Variants in ANKRD33B observed in about 807,000 individuals in gnomAD.
The protein encoded by ANKRD33B is ankyrin repeat domain 33B, also known as ankyrin repeat domain-containing protein 33B.
In ANKRD33B, 6 loss-of-function variants were observed where a neutral mutation model predicts 21.5. That is an observed-to-expected ratio of 0.28 (90% CI 0.15 to 0.55). The LOEUF (loss-of-function observed/expected upper bound fraction) is 0.55. ANKRD33B is among the 20% of genes least tolerant of loss of function. ANKRD33B has a pLI of 0.94. For missense variants in ANKRD33B, 698 were observed against 747.2 expected, an observed-to-expected ratio of 0.93 and a Z score of 0.77; for synonymous variants, 347 against 342.4, an observed-to-expected ratio of 1.01 and a Z score of -0.15.
intron 1 of ANKRD33B, among the ~76,000 whole-genome samples, chr5:10,598,962 C>T (rs530120867): frequency 6.6e-5 from 10 of 152,288 alleles, no homozygotes; most frequent in South Asian, 4.2e-4. Flanking sequence ...AGTGAACAGC[C>T]GTATGATTTT....
At chr5:10,609,384 C>T (rs974809471) in intron 1 of ANKRD33B, among the ~76,000 whole-genome samples, 6 of 151,970 alleles carry the variant, frequency 3.9e-5, no homozygotes, top group African/African-American at 7.2e-5. Context: ...AAAACACCAT[C>T]TCTACAAAAA....
In ANKRD33B at chr5:10,597,356, G is replaced by C. The variant is rs533910884; in HGVS notation, c.367-20977G>C. On this transcript the variant is annotated intron_variant, in intron 1 of 3. Transcript: ENST00000296657. The stretch of plus-strand genomic sequence containing the variant: ...GAAGGGATGGAGGAAAATTTACCAA[G>C]CAAGGGGAAAACAGGAAAAAGCAGG... 4.6e-5 allele frequency among the ~76,000 whole-genome samples: 7 copies of C among 152,254 alleles called. No homozygotes were observed. In the South Asian group the frequency reaches 1.2e-3, roughly 27 times the overall value.
At chr5:10,581,210 A>C (rs1579714594) in intron 1 of ANKRD33B, among the ~76,000 whole-genome samples, 1 of 152,318 alleles carries the variant, frequency 6.6e-6, no homozygotes, top group East Asian at 1.9e-4. Context: ...TGACCTTGGC[A>C]GGGCTGCCTC....
intron 1 of ANKRD33B, among the ~76,000 whole-genome samples, chr5:10,604,190 CT>C (rs374461177): frequency 5.1e-4 from 51 of 99,372 alleles, no homozygotes; most frequent in African/African-American, 1.2e-3. Flanking sequence ...CCGCGCCTGG[CT>C]TTTTTTTTTT....
In ANKRD33B at chr5:10,639,020, AGTTGCGCGGCGATGTTAGCGGGTGACG is replaced by A. The variant is rs771182042; in HGVS notation, c.637+853_637+879del. Among the ~76,000 whole-genome samples the A allele has an allele frequency of 9.4e-3, 725 of 76,892 alleles. 3 individuals carry two copies. The highest frequency in any genetic ancestry group is 0.021 in the African/African-American group (431 of 20,076). 50.4% of individuals were successfully genotyped at this position (76,892 alleles called of 152,430 possible). A position where few individuals can be genotyped will look rare whatever the true frequency, so the allele number is the denominator to read the frequency against. On this transcript the variant is annotated intron_variant, in intron 3 of 3. Transcript: ENST00000296657. ...GCGGCGATGTTAGGCGGTGACGCGG[AGTTGCGCGGCGATGTTAGCGGGTGACG>A]CGGAGTTGCGCGGCGATGTTAGCGG... is the stretch of plus-strand genomic sequence containing the variant.
rs1453577203 is a variant in ANKRD33B, at chr5:10,596,104, G to A, written c.367-22229G>A. Among the ~76,000 whole-genome samples, 4 of 152,214 alleles carry A rather than the reference G, an allele frequency of 2.6e-5. No individual in the cohort carries two copies. In the South Asian group the frequency reaches 8.3e-4, roughly 32 times the overall value. On this transcript the variant is annotated intron_variant, in intron 1 of 3. Coordinates refer to ENST00000296657, the MANE Select transcript of ANKRD33B (RefSeq NM_001164440.2). ...CTAAGCCAAACCAAAACAACAGAAT[G>A]ACTTAATTATGTACCAGCACCCTTT...
In ANKRD33B at chr5:10,619,498, G is replaced by A. The variant is rs1030487143; in HGVS notation, c.496+1036G>A. 3 of 504,138 alleles carry A rather than the reference G, an allele frequency of 6.0e-6. No individual in the cohort carries two copies. Among genetic ancestry groups the A allele is most frequent in the Admixed American group, 6.4e-5 (1 of 15,700 alleles). 31.2% of individuals were successfully genotyped at this position (504,138 alleles called of 1,614,324 possible). ...CCTGGGTGGATCTGATGGGTGGGGG[G>A]CCAGGGAGGCTGGAAAACCAGTGTT... On this transcript the variant is annotated intron_variant, in intron 2 of 3. Coordinates refer to ENST00000296657, the MANE Select transcript of ANKRD33B (RefSeq NM_001164440.2). The surrounding 1 kb of genome is among the most constrained non-coding windows in gnomAD (Gnocchi z 4.5).
At chr5:10,584,795 C>T (rs1735519249) in intron 1 of ANKRD33B, among the ~76,000 whole-genome samples, 1 of 152,172 alleles carries the variant, frequency 6.6e-6, no homozygotes. Context: ...ATACATGCAC[C>T]TCTTCTCAGG....
chr5:10,598,204 C>T (rs1735856317), intron 1 of ANKRD33B, among the ~76,000 whole-genome samples: 1 of 152,200 alleles, frequency 6.6e-6, no homozygotes, highest in South Asian at 2.1e-4. Context: ...TATTTTCTGA[C>T]TTCTAGCCTG....
chr5:10,620,996 G>T (rs1264774042), intron 2 of ANKRD33B, among the ~76,000 whole-genome samples: 1 of 151,992 alleles, frequency 6.6e-6, no homozygotes, highest in African/African-American at 2.4e-5. Context: ...CTTTCCTTTA[G>T]CCCCACCCTT....
At position 10,591,194 on chromosome 5, in the gene ANKRD33B, G is replaced by GTTTTTTTTTTTTTTTTTTTTTTTTTTTTT. The variant is rs749837253; in HGVS notation, c.366+26361_366+26362insTTTTTTTTTTTTTTTTTTTTTTTTTTTTT. On this transcript the variant is annotated intron_variant, in intron 1 of 3. Coordinates refer to ENST00000296657, the MANE Select transcript of ANKRD33B (RefSeq NM_001164440.2). ...AATAGTCATCTACATTTTTTTTAGT[G>GTTTTTTTTTTTTTTTTTTTTTTTTTTTTT]GTTTTTTTTTTTTTTTGAGATGGAG... Among the ~76,000 whole-genome samples the GTTTTTTTTTTTTTTTTTTTTTTTTTTTTT allele has an allele frequency of 1.3e-4, 15 of 113,456 alleles. 3 individuals are homozygous for GTTTTTTTTTTTTTTTTTTTTTTTTTTTTT. Among genetic ancestry groups the GTTTTTTTTTTTTTTTTTTTTTTTTTTTTT allele is most frequent in the Non-Finnish European group, 1.2e-4 (7 of 56,950 alleles). 74.4% of individuals were successfully genotyped at this position (113,456 alleles called of 152,430 possible). A position where few individuals can be genotyped will look rare whatever the true frequency, so the allele number is the denominator to read the frequency against.
intron 1 of ANKRD33B, among the ~76,000 whole-genome samples, chr5:10,596,309 A>T (rs758338116): frequency 6.6e-6 from 1 of 152,110 alleles, no homozygotes; most frequent in Non-Finnish European, 1.5e-5. Flanking sequence ...ATTCTTCCTG[A>T]TGCTCTCCTG....
intron 1 of ANKRD33B, among the ~76,000 whole-genome samples, chr5:10,601,538 T>G (rs1165179920): frequency 6.6e-6 from 1 of 152,198 alleles, no homozygotes; most frequent in Admixed American, 6.5e-5. Flanking sequence ...AGCCTGGCAT[T>G]CTCATTGTTT....
At position 10,608,379 on chromosome 5, in the gene ANKRD33B, C is replaced by T. The variant is rs559490880; in HGVS notation, c.367-9954C>T. On this transcript the variant is annotated intron_variant, in intron 1 of 3. Transcript: ENST00000296657. ...TCTAAAAAAAAAAAAAAAAAAGAGC[C>T]GTGGTAGTTCTGAAGGGGAAGAGCA... Among the ~76,000 whole-genome samples the T allele has an allele frequency of 2.1e-3, 318 of 150,672 alleles. 2 individuals carry two copies. The highest frequency in any genetic ancestry group is 8.2e-3 in the South Asian group (39 of 4,766).
intron 1 of ANKRD33B, among the ~76,000 whole-genome samples, chr5:10,567,953 A>G (rs934872068): frequency 5.9e-5 from 9 of 152,202 alleles, no homozygotes; most frequent in African/African-American, 2.2e-4. Flanking sequence ...AATGATCTCT[A>G]AAGGCGTCTA....
intron 1 of ANKRD33B, among the ~76,000 whole-genome samples, chr5:10,610,409 C>A (rs576484994): frequency 5.5e-4 from 84 of 152,116 alleles, no homozygotes; most frequent in African/African-American, 1.7e-3. Flanking sequence ...CAGCCCCCCC[C>A]CCGAATAAAG....
rs192861744 is a variant in ANKRD33B at position 10,614,034 on chromosome 5, T to A, written c.367-4299T>A. On this transcript the variant is annotated intron_variant, in intron 1 of 3. Transcript: ENST00000296657. ...GTGTGTGTGTGTGTGTGTATAAACATATATGTAGAGAAGGAGAGAGATTTG... is the reference window on the plus strand; with the variant it reads ...GTGTGTGTGTGTGTGTGTATAAACAAATATGTAGAGAAGGAGAGAGATTTG... Among the ~76,000 whole-genome samples, 189 of 149,788 alleles carry A rather than the reference T, an allele frequency of 1.3e-3. 2 individuals are homozygous for A. The highest frequency in any genetic ancestry group is 4.4e-3 in the African/African-American group (180 of 40,834).
At chr5:10,592,635 A>AG (rs1735722012) in intron 1 of ANKRD33B, among the ~76,000 whole-genome samples, 1 of 151,114 alleles carries the variant, frequency 6.6e-6, no homozygotes, top group Non-Finnish European at 1.5e-5. Flanking sequence ...AAAAAAAAAA[A>AG]AAGAAGAAGA....
At chr5:10,592,532 G>C (rs2126562006) in intron 1 of ANKRD33B, among the ~76,000 whole-genome samples, 1 of 149,096 alleles carries the variant, frequency 6.7e-6, no homozygotes, top group Non-Finnish European at 1.5e-5. Flanking sequence ...CTGAGCATGA[G>C]AATCGCTTGA....
Sources: allele counts gnomAD v4.1 joint callset (sites outside exome capture counted in the v4.1 genomes callset), GRCh38; gene constraint gnomAD v4.1.1; non-coding constraint Gnocchi (gnomAD v3.1); transcripts MANE v1.5; gene names NCBI Gene and HGNC (gene_info 2026-07-23, HGNC 2026-07-21).